CDH18: variants seen among roughly 807,000 people sequenced by gnomAD.
CDH18 encodes cadherin 18.
In CDH18, 31 loss-of-function variants were observed where a neutral mutation model predicts 67.9. The observed-to-expected ratio is 0.46, with a 90% CI of 0.34 to 0.62. The LOEUF (loss-of-function observed/expected upper bound fraction) is 0.62, where lower values mean the gene tolerates loss of function less well. Ranked by LOEUF, CDH18 falls within the 20% of genes least tolerant of loss-of-function variation. The pLI, the probability that CDH18 is intolerant of heterozygous loss-of-function variation, is 0.01. For synonymous variants in CDH18, 362 were observed against 347.2 expected (o/e 1.04, Z -0.48); for missense variants, 890 against 975.5 (o/e 0.91, Z 1.17).
At chr5:19,922,871 G>A (rs1218984105) in intron 2 of CDH18, among the ~76,000 whole-genome samples, 11 of 151,954 alleles carry the variant, frequency 7.2e-5, no homozygotes, top group Non-Finnish European at 1.6e-4. Flanking sequence ...AGCTATTTTT[G>A]GAGGAAGGGA....
intron 2 of CDH18, among the ~76,000 whole-genome samples, chr5:19,967,390 C>T (rs901504970): frequency 1.3e-5 from 2 of 152,100 alleles, no homozygotes; most frequent in Non-Finnish European, 2.9e-5. Context: ...GATGATGAAA[C>T]CTGTTTTACT....
intron 1 of CDH18, among the ~76,000 whole-genome samples, chr5:20,373,117 C>A (rs530511543): frequency 1.3e-5 from 2 of 152,248 alleles, no homozygotes; most frequent in East Asian, 3.9e-4. Flanking sequence ...ATTTTGCTCA[C>A]CTTAGTCAAA....
intron 10 of CDH18, among the ~76,000 whole-genome samples, chr5:19,504,291 T>C (rs1316073486): frequency 6.6e-6 from 1 of 152,082 alleles, no homozygotes; most frequent in Non-Finnish European, 1.5e-5. Flanking sequence ...TTCACCGCCT[T>C]TCCATCACTG....
At chr5:19,505,949 G>A (rs1423577265) in intron 10 of CDH18, among the ~76,000 whole-genome samples, 2 of 152,030 alleles carry the variant, frequency 1.3e-5, no homozygotes, top group Admixed American at 6.6e-5. Flanking sequence ...ATCTAGTCCT[G>A]GACTTTTTTT....
chr5:20,069,195 A>G (rs1743230771), intron 2 of CDH18, among the ~76,000 whole-genome samples: 1 of 151,956 alleles, frequency 6.6e-6, no homozygotes, highest in South Asian at 2.1e-4. Context: ...AAATTTATAT[A>G]AATATGCCCC....
At chr5:19,984,047 T>A (rs1799318127) in intron 1 of CDH18, among the ~76,000 whole-genome samples, 1 of 152,084 alleles carries the variant, frequency 6.6e-6, no homozygotes, top group South Asian at 2.1e-4. Flanking sequence ...CACACTGGAC[T>A]CATAAAAAAA....
At chr5:19,822,054 G>C (rs1387495254) in intron 3 of CDH18, among the ~76,000 whole-genome samples, 2 of 151,958 alleles carry the variant, frequency 1.3e-5, no homozygotes, top group Non-Finnish European at 1.5e-5. Flanking sequence ...CTATACAATT[G>C]AGACTACAAT....
At chr5:20,224,483 T>C (rs1445710653) in intron 2 of CDH18, among the ~76,000 whole-genome samples, 3 of 151,332 alleles carry the variant, frequency 2.0e-5, no homozygotes, top group African/African-American at 4.9e-5. Context: ...TGTGCACCAA[T>C]GAGACAGCTT....
At chr5:19,826,942 A>G (rs544396160) in intron 3 of CDH18, among the ~76,000 whole-genome samples, 1 of 152,234 alleles carries the variant, frequency 6.6e-6, no homozygotes. Context: ...GTGGTAAGTG[A>G]GATGAAGAAA....
chr5:20,196,659 A>G (rs1739005484), intron 2 of CDH18, among the ~76,000 whole-genome samples: 1 of 152,220 alleles, frequency 6.6e-6, no homozygotes, highest in African/African-American at 2.4e-5. Flanking sequence ...CATATGAAAT[A>G]GAATTTGAAC....
chr5:20,145,785 GCCCCAT>G (rs1165831030), intron 2 of CDH18, among the ~76,000 whole-genome samples: 1 of 151,974 alleles, frequency 6.6e-6, no homozygotes, highest in African/African-American at 2.4e-5. Context: ...ATTTACTCTT[GCCCCAT>G]CCTTCTCCAT....
intron 1 of CDH18, among the ~76,000 whole-genome samples, chr5:20,544,257 C>T (rs2014691): frequency 0.44 from 66,404 of 151,784 alleles, 15,018 homozygotes; most frequent in East Asian, 0.57. Context: ...AGATTGCATG[C>T]ATGTGGGTTA....
At chr5:19,755,464 C>CATATATAT (rs55768284) in intron 3 of CDH18, among the ~76,000 whole-genome samples, 2 of 81,588 alleles carry the variant, frequency 2.5e-5, no homozygotes, top group South Asian at 4.1e-4. Flanking sequence ...TATATACACA[C>CATATATAT]ACACACACAC....
intron 2 of CDH18, among the ~76,000 whole-genome samples, chr5:19,891,256 C>T (rs919168492): frequency 6.6e-6 from 1 of 152,116 alleles, no homozygotes; most frequent in Non-Finnish European, 1.5e-5. Context: ...TTTATAGTTT[C>T]ACTTTCTAAC....
chr5:19,914,389 C>T (rs1408331061), intron 2 of CDH18, among the ~76,000 whole-genome samples: 1 of 151,966 alleles, frequency 6.6e-6, no homozygotes, highest in Non-Finnish European at 1.5e-5. Context: ...AAAGAAAATG[C>T]AATTAGCATG....
intron 1 of CDH18, among the ~76,000 whole-genome samples, chr5:20,351,911 C>A (rs920843034): frequency 6.6e-6 from 1 of 152,142 alleles, no homozygotes; most frequent in Non-Finnish European, 1.5e-5. Context: ...AGCAAACTTT[C>A]TTAAAGAAGC....
chr5:19,789,721 A>G lies in CDH18; in HGVS notation c.229-42485T>C, dbSNP rs372409166. 3.2e-3 allele frequency among the ~76,000 whole-genome samples: 480 copies of G among 152,146 alleles called. 2 individuals carry two copies. The highest frequency in any genetic ancestry group is 9.3e-3 in the African/African-American group (388 of 41,536). On this transcript the variant is annotated intron_variant, in intron 3 of 12. Coordinates refer to ENST00000382275, the MANE Select transcript of CDH18 (RefSeq NM_004934.5). ...AGCACAAGCTCACTGGCCTTTTCCCACTCTTTGAACTGCTGAAGTTATTGT... is the reference window on the plus strand; with the variant it reads ...AGCACAAGCTCACTGGCCTTTTCCCGCTCTTTGAACTGCTGAAGTTATTGT...
rs116787142 is a variant in CDH18 at position 20,469,677 on chromosome 5, A to G, written c.-580+105785T>C. On this transcript the variant is annotated intron_variant, in intron 1 of 14. Coordinates refer to the CDH18 transcript ENST00000507958. ...TATCACTAAGCCTGGAAGTAGGCTG[A>G]GTTTTTTTGCTCCCTGGTCTTCATT... Among the ~76,000 whole-genome samples the G allele has an allele frequency of 5.1e-3, 776 of 152,134 alleles. 6 individuals carry two copies. Among genetic ancestry groups the G allele is most frequent in the African/African-American group, 0.017 (702 of 41,512 alleles).
intron 2 of CDH18, among the ~76,000 whole-genome samples, chr5:19,959,084 T>A (rs970847134): frequency 6.6e-6 from 1 of 152,026 alleles, no homozygotes; most frequent in African/African-American, 2.4e-5. Context: ...AAGAAAGATA[T>A]TTGTAAAATG....
Sources: gnomAD v4.1 joint callset for allele counts (sites outside exome capture counted in the v4.1 genomes callset) on GRCh38, gnomAD v4.1.1 for gene constraint, MANE v1.5 for transcripts, NCBI Gene and HGNC (gene_info 2026-07-23, HGNC 2026-07-21) for gene names.